Variants in AFDN observed in about 807,000 individuals in gnomAD.
AFDN encodes afadin.
A neutral mutation model predicts 216.6 loss-of-function variants in AFDN; 68 were observed. The observed-to-expected ratio is 0.31, with a 90% CI of 0.26 to 0.38. AFDN has a LOEUF of 0.38. AFDN is among the 10% of genes least tolerant of loss of function. The pLI is 1.00. For synonymous variants in AFDN, 868 were observed against 853.7 expected (o/e 1.02, Z -0.29); for missense variants, 2,136 against 2,342.0 (o/e 0.91, Z 1.82).
chr6:167,909,737 A>G (rs1790149739), intron 13 of AFDN, among the ~76,000 whole-genome samples: 1 of 152,222 alleles, frequency 6.6e-6, no homozygotes, highest in Admixed American at 6.5e-5. Flanking sequence ...TTAACTCAGT[A>G]GAGATGTTCA....
At chr6:167,883,075 T>C (rs1562604481) in intron 6 of AFDN, among the ~76,000 whole-genome samples, 1 of 152,014 alleles carries the variant, frequency 6.6e-6, no homozygotes, top group Non-Finnish European at 1.5e-5. Context: ...AAAAAAGTGC[T>C]GGAGGACATT....
At chr6:167,895,857 C>T (rs865845440) in intron 9 of AFDN, among the ~76,000 whole-genome samples, 4 of 152,098 alleles carry the variant, frequency 2.6e-5, no homozygotes, top group Admixed American at 6.5e-5. Flanking sequence ...CAGATCTTGG[C>T]GACTCTTACT....
intron 15 of AFDN, among the ~76,000 whole-genome samples, chr6:167,912,448 G>T (rs1178216538): frequency 6.6e-6 from 1 of 152,158 alleles, no homozygotes; most frequent in Non-Finnish European, 1.5e-5. Context: ...TGTTTTCAAA[G>T]GCCAGAATTT....
chr6:167,876,250 C>T (rs1057356213), intron 5 of AFDN, among the ~76,000 whole-genome samples: 6 of 152,086 alleles, frequency 3.9e-5, no homozygotes, highest in Non-Finnish European at 7.4e-5. Flanking sequence ...ATAACTGAGT[C>T]GTAATTAACA....
chr6:167,970,370 C>G lies in AFDN; in HGVS notation c.*435C>G. 8.2e-6 allele frequency: 2 copies of G among 243,652 alleles called. No individual in the cohort carries two copies. The highest frequency in any genetic ancestry group is 1.6e-5 in the Non-Finnish European group (2 of 127,104). The allele number at this position is 243,652 out of a possible 1,614,324, so 15.1% of individuals were successfully genotyped here. A position where few individuals can be genotyped will look rare whatever the true frequency, so the allele number is the denominator to read the frequency against. On this transcript the variant is annotated 3_prime_UTR_variant, in exon 34 of 34. Transcript: ENST00000683244. ...GCTGTCAAGCAGAGAATAGCTTGAACTATTCAGACTATTGTTGGCACTGTT... is the reference window on the plus strand; with the variant it reads ...GCTGTCAAGCAGAGAATAGCTTGAAGTATTCAGACTATTGTTGGCACTGTT...
intron 23 of AFDN, among the ~76,000 whole-genome samples, chr6:167,938,753 G>A (rs1794322872): frequency 6.6e-6 from 1 of 152,148 alleles, no homozygotes; most frequent in South Asian, 2.1e-4. Context: ...AAAGAGCCTA[G>A]TGGTTGCCCT....
intron 1 of AFDN, among the ~76,000 whole-genome samples, chr6:167,855,715 T>A (rs144186684): frequency 3.3e-4 from 51 of 152,252 alleles, no homozygotes; most frequent in African/African-American, 1.1e-3. Flanking sequence ...ACTCCAGTGG[T>A]CACTTAGCTA....
Position 167,907,625 on chromosome 6 carries a change from T to C in AFDN, c.1769+336T>C, listed in dbSNP as rs192625749. Among the ~76,000 whole-genome samples the C allele has an allele frequency of 3.9e-3, 597 of 152,368 alleles. 3 individuals are homozygous for C. Among genetic ancestry groups the C allele is most frequent in the African/African-American group, 0.014 (578 of 41,578 alleles). On this transcript the variant is annotated intron_variant, in intron 13 of 33. Transcript: ENST00000683244. ...GATGATTTTTGTATTTAGAAAAATCTGGTCATTTCACCCATTTCTAGAAGA... is the reference window on the plus strand; with the variant it reads ...GATGATTTTTGTATTTAGAAAAATCCGGTCATTTCACCCATTTCTAGAAGA...
At chr6:167,861,580 A>G (rs138244080) in intron 1 of AFDN, among the ~76,000 whole-genome samples, 1 of 152,246 alleles carries the variant, frequency 6.6e-6, no homozygotes, top group African/African-American at 2.4e-5. Context: ...TTTACAGTGA[A>G]GGGCAGTAAT....
chr6:167,965,670 T>G, intron 31 of AFDN, 87 bp from the exon 32 acceptor site: 6 of 1,242,196 alleles, frequency 4.8e-6, no homozygotes, highest in Non-Finnish European at 6.6e-6. Context: ...AGTGTGATGA[T>G]GAGGATTGTT....
intron 31 of AFDN, chr6:167,963,309 C>A (rs9364373): frequency 3.8e-6 from 4 of 1,062,526 alleles, no homozygotes; most frequent in Non-Finnish European, 4.6e-6. Flanking sequence ...CTGTTTCATC[C>A]CGAGGGGACT....
intron 30 of AFDN, chr6:167,954,606 C>G: frequency 1.3e-6 from 1 of 780,374 alleles, no homozygotes; most frequent in South Asian, 2.2e-5. Context: ...GGGGTGTCCT[C>G]CATCAGGAGA....
At chr6:167,857,145 T>G (rs1782990963) in intron 1 of AFDN, among the ~76,000 whole-genome samples, 2 of 152,212 alleles carry the variant, frequency 1.3e-5, no homozygotes, top group Admixed American at 1.3e-4. Context: ...AAAAGCTGTG[T>G]AATTCCATTC....
intron 23 of AFDN, among the ~76,000 whole-genome samples, chr6:167,927,688 T>A (rs1349078837): frequency 6.6e-6 from 1 of 152,086 alleles, no homozygotes; most frequent in Non-Finnish European, 1.5e-5. Context: ...CGTGTGGGGT[T>A]CACCTGTGCA....
At chr6:167,830,971 T>C (rs1779769977) in intron 1 of AFDN, among the ~76,000 whole-genome samples, 1 of 130,136 alleles carries the variant, frequency 7.7e-6, no homozygotes, top group African/African-American at 2.9e-5. Context: ...AGTCAGAGTC[T>C]CACTCTCTTG....
At chr6:167,856,695 C>T (rs1043645735) in intron 1 of AFDN, among the ~76,000 whole-genome samples, 6 of 151,992 alleles carry the variant, frequency 3.9e-5, no homozygotes, top group East Asian at 3.8e-4. Context: ...AATTCTCCAC[C>T]GTAACATGGA....
intron 2 of AFDN, among the ~76,000 whole-genome samples, chr6:167,869,063 C>A (rs1335629174): frequency 1.3e-5 from 2 of 151,888 alleles, no homozygotes; most frequent in African/African-American, 4.8e-5. Context: ...GGTGTGAGTC[C>A]AGCCAGCATC....
At chr6:167,939,156 A>C (rs886315442) in intron 23 of AFDN, among the ~76,000 whole-genome samples, 1 of 152,218 alleles carries the variant, frequency 6.6e-6, no homozygotes. Flanking sequence ...TAGTGTCACT[A>C]AAAATGCTGT....
rs1384702715 is a variant in AFDN at position 167,913,804 on chromosome 6, G to A, written c.2059-364G>A. On this transcript the variant is annotated intron_variant, in intron 16 of 33. Transcript: ENST00000683244. ...AGCCAGTGACTACAAGTATCAGGGTGGCTGTGGGTAACCATGGATACATGT... is the reference window on the plus strand; with the variant it reads ...AGCCAGTGACTACAAGTATCAGGGTAGCTGTGGGTAACCATGGATACATGT... The A allele has an allele frequency of 1.1e-4, 44 of 391,370 alleles. 1 individual carries two copies. The Admixed American group carries it at 1.8e-3, about 16-fold the overall frequency. 24.2% of individuals were successfully genotyped at this position (391,370 alleles called of 1,614,324 possible). A position where few individuals can be genotyped will look rare whatever the true frequency, so the allele number is the denominator to read the frequency against.
Sources: gnomAD v4.1 joint callset for allele counts (sites outside exome capture counted in the v4.1 genomes callset) on GRCh38, gnomAD v4.1.1 for gene constraint, MANE v1.5 for transcripts, NCBI Gene and HGNC (gene_info 2026-07-23, HGNC 2026-07-21) for gene names.